Variants in OSER1 observed in about 807,000 individuals in gnomAD.
The protein encoded by OSER1 is oxidative stress responsive serine rich 1, also known as oxidative stress-responsive serine-rich protein 1.
In OSER1, 15 loss-of-function variants were observed where a neutral mutation model predicts 26.3. The ratio of observed to expected loss-of-function variants is 0.57; its 90% confidence interval spans 0.38 to 0.88. The LOEUF (loss-of-function observed/expected upper bound fraction) is 0.88. Ranked by LOEUF, OSER1 falls within the 40% of genes least tolerant of loss-of-function variation. OSER1 has a pLI of 0.00. For missense variants in OSER1, 313 were observed against 353.9 expected, an observed-to-expected ratio of 0.88 and a Z score of 0.93; for synonymous variants, 127 against 128.2, an observed-to-expected ratio of 0.99 and a Z score of 0.07.
chr20:44,202,142 G>A lies in OSER1; in HGVS notation c.191+819C>T, dbSNP rs147159491. 7.8e-3 allele frequency among the ~76,000 whole-genome samples: 1,187 copies of A among 152,320 alleles called. 21 individuals carry two copies. The highest frequency in any genetic ancestry group is 0.055 in the East Asian group (282 of 5,170). On this transcript the variant is annotated intron_variant, in intron 3 of 3. Coordinates refer to ENST00000255174, the MANE Select transcript of OSER1 (RefSeq NM_016470.8). ...TGTAATCCTAGCACTTTGGGAAGCC[G>A]AGGTGGGTGGATCACCTGAGGTCAG... is the stretch of plus-strand genomic sequence containing the variant.
At chr20:44,204,624 G>A (rs1265534793) in intron 2 of OSER1, among the ~76,000 whole-genome samples, 2 of 152,158 alleles carry the variant, frequency 1.3e-5, no homozygotes, top group African/African-American at 4.8e-5. Context: ...CCTATAGGTA[G>A]GTTTTCCACC....
Position 44,197,574 on chromosome 20 carries a change from A to G in OSER1, c.357T>C (p.Ser119=), listed in dbSNP as rs201888626. 5 of 1,614,178 alleles carry G rather than the reference A, an allele frequency of 3.1e-6. No homozygotes were observed. In the East Asian group the frequency reaches 1.1e-4, roughly 36 times the overall value. The change falls in exon 4 of 4, where the codon AGT becomes AGC. Residue 119 remains serine (S), a synonymous_variant. Transcript: ENST00000255174. ...KSQTDSPDGS[S]GLGISSPKEF... is the part of the protein sequence containing the mutation. ...CTTTAGGGGATGAAATTCCCAGCCC[A>G]CTGCTGCCATCAGGTGAGTCAGTCT...
intron 3 of OSER1, among the ~76,000 whole-genome samples, chr20:44,197,946 A>G (rs558060528): frequency 1.3e-5 from 2 of 152,202 alleles, no homozygotes; most frequent in African/African-American, 4.8e-5. Context: ...AGCAAGCTAT[A>G]GAACGAGGTG....
intron 3 of OSER1, among the ~76,000 whole-genome samples, chr20:44,200,005 T>C (rs1429679232): frequency 6.6e-6 from 1 of 152,226 alleles, no homozygotes; most frequent in Non-Finnish European, 1.5e-5. Flanking sequence ...TTGTACAGCT[T>C]GTGGACACTG....
intron 2 of OSER1, among the ~76,000 whole-genome samples, chr20:44,206,163 G>A (rs1386962951): frequency 1.3e-5 from 2 of 152,198 alleles, no homozygotes; most frequent in African/African-American, 4.8e-5. Flanking sequence ...GGCACAGGAA[G>A]TGAATAATAA....
In OSER1 at chr20:44,196,655, CAGCATGACA is replaced by C; in HGVS notation, c.*388_*396del. 1 of 173,814 alleles carries C rather than the reference CAGCATGACA, an allele frequency of 5.8e-6. No individual in the cohort carries two copies. Among genetic ancestry groups the C allele is most frequent in the Non-Finnish European group, 1.2e-5 (1 of 80,204 alleles). The allele number at this position is 173,814 out of a possible 1,614,324, so 10.8% of individuals were successfully genotyped here. ...TTCTAATATTCTGGGCTGGCAACTA[CAGCATGACA>C]AATGTTTAGTGCAGTTACAAAATCA... On this transcript the variant is annotated 3_prime_UTR_variant, in exon 4 of 4. Coordinates refer to ENST00000255174, the MANE Select transcript of OSER1 (RefSeq NM_016470.8).
In OSER1 at chr20:44,210,726, G is replaced by C. The variant is rs2073096987; in HGVS notation, c.-72C>G. 1 of 152,336 alleles carries C rather than the reference G, an allele frequency of 6.6e-6. No individual in the cohort carries two copies. The highest frequency in any genetic ancestry group is 2.4e-5 in the African/African-American group (1 of 41,464). 9.4% of individuals were successfully genotyped at this position (152,336 alleles called of 1,614,324 possible). A position where few individuals can be genotyped will look rare whatever the true frequency, so the allele number is the denominator to read the frequency against. ...CGCAGCTGGGACGCTCCGGTGATGC[G>C]GGGCAGTCAGTTCAGAGCGTCTCTC... is the stretch of plus-strand genomic sequence containing the variant. On this transcript the variant is annotated 5_prime_UTR_variant, in exon 1 of 4. Transcript: ENST00000255174.
chr20:44,208,947 T>C (rs2073067814), intron 1 of OSER1, among the ~76,000 whole-genome samples: 2 of 152,232 alleles, frequency 1.3e-5, no homozygotes, highest in Admixed American at 1.3e-4. Context: ...CAGAAATTCA[T>C]TTCTTTCACA....
chr20:44,207,057 T>C, intron 1 of OSER1, 59 bp from the exon 2 acceptor site: 1 of 788,912 alleles, frequency 1.3e-6, no homozygotes, highest in African/African-American at 1.8e-5. Flanking sequence ...GTATACCTGT[T>C]ACCATTACTG....
intron 1 of OSER1, among the ~76,000 whole-genome samples, chr20:44,209,686 TA>T (rs1187492414): frequency 6.6e-6 from 1 of 152,228 alleles, no homozygotes; most frequent in East Asian, 1.9e-4. Flanking sequence ...AAAGTTCTTC[TA>T]AGTTCCTCCA....
intron 3 of OSER1, 106 bp from the exon 4 acceptor site, chr20:44,197,845 A>T: frequency 1.5e-6 from 1 of 684,720 alleles, no homozygotes; most frequent in Non-Finnish European, 2.4e-6. Flanking sequence ...TTATGAGTCT[A>T]AGCTCATAAA....
At chr20:44,207,160 G>A (rs576418441) in intron 1 of OSER1, 162 bp from the exon 2 acceptor site, 1 of 479,412 alleles carries the variant, frequency 2.1e-6, no homozygotes, top group Non-Finnish European at 3.7e-6. Flanking sequence ...GGAAACAAAT[G>A]AAATGATACC....
At chr20:44,209,105 C>T (rs2073069809) in intron 1 of OSER1, among the ~76,000 whole-genome samples, 1 of 152,168 alleles carries the variant, frequency 6.6e-6, no homozygotes, top group Non-Finnish European at 1.5e-5. Context: ...TCTGAACCTA[C>T]ATATGTAACT....
intron 1 of OSER1, 65 bp from the exon 2 acceptor site, chr20:44,207,063 T>C (rs1057036867): frequency 2.7e-6 from 2 of 741,000 alleles, no homozygotes; most frequent in Non-Finnish European, 4.5e-6. Flanking sequence ...CTGTTACCAT[T>C]ACTGTTAGAA....
chr20:44,206,545 G>A (rs1395911009), intron 2 of OSER1, among the ~76,000 whole-genome samples: 1 of 152,152 alleles, frequency 6.6e-6, no homozygotes, highest in African/African-American at 2.4e-5. Context: ...AAAATACTGT[G>A]ATTCCCTTGA....
At chr20:44,202,383 GA>G (rs200951802) in intron 3 of OSER1, among the ~76,000 whole-genome samples, 132 of 143,210 alleles carry the variant, frequency 9.2e-4, no homozygotes, top group African/African-American at 3.2e-3. Context: ...TCCATCTTAA[GA>G]AAAAAAAAAG....
intron 2 of OSER1, 81 bp from the exon 3 acceptor site, chr20:44,203,155 C>T (rs2073000613): frequency 6.2e-6 from 4 of 649,666 alleles, no homozygotes; most frequent in Non-Finnish European, 1.1e-5. Context: ...TCAAATACAA[C>T]TTTTATCAAT....
In OSER1 at chr20:44,206,319, T is replaced by C. The variant is rs62204525; in HGVS notation, c.77+562A>G. 9.5e-3 allele frequency among the ~76,000 whole-genome samples: 1,447 copies of C among 152,310 alleles called. 25 individuals carry two copies. Among genetic ancestry groups the C allele is most frequent in the East Asian group, 0.054 (283 of 5,194 alleles). Reference sequence around the variant, plus strand: ...GAAAGAATTGGTGTGAGAAGAGTCTTACACAGAACATTTTGCAAAGGGTGA... The same window carrying C: ...GAAAGAATTGGTGTGAGAAGAGTCTCACACAGAACATTTTGCAAAGGGTGA... On this transcript the variant is annotated intron_variant, in intron 2 of 3. Transcript: ENST00000255174.
At position 44,197,118 on chromosome 20, in the gene OSER1, G is replaced by T. The variant is rs762405177; in HGVS notation, c.813C>A (p.Gly271=). The T allele has an allele frequency of 6.2e-7, 1 of 1,613,914 alleles. No homozygotes were observed. Among genetic ancestry groups the T allele is most frequent in the Non-Finnish European group, 8.5e-7 (1 of 1,179,780 alleles). The change falls in exon 4 of 4, where the codon GGC becomes GGA. Residue 271 remains glycine, a synonymous_variant. Coordinates refer to ENST00000255174, the MANE Select transcript of OSER1 (RefSeq NM_016470.8). ...GAATATACAAGTAATACTCCATGTA[G>T]CCTGACAGGTCCTCAATGGTCACAT... ...VDDVTIEDLS[G]YMEYYLYIPK...
Sources: gnomAD v4.1 joint callset for allele counts (sites outside exome capture counted in the v4.1 genomes callset) on GRCh38, gnomAD v4.1.1 for gene constraint, MANE v1.5 for transcripts, NCBI Gene and HGNC (gene_info 2026-07-23, HGNC 2026-07-21) for gene names.